MDFIC: variants seen among roughly 807,000 people sequenced by gnomAD.
The protein encoded by MDFIC is myoD family inhibitor domain-containing protein.
Under a neutral mutation model 23.2 loss-of-function variants are expected in MDFIC, and 17 were observed. The observed-to-expected ratio is 0.73, with a 90% CI of 0.50 to 1.10. MDFIC has a LOEUF of 1.10. Among genes scored for constraint, MDFIC ranks in the 50% least tolerant of loss-of-function variants. The probability of loss-of-function intolerance (pLI) is 0.00; values close to 1 mark genes in which losing one functional copy is unlikely to be tolerated. For synonymous variants in MDFIC, 120 were observed against 115.2 expected (o/e 1.04, Z -0.27); for missense variants, 356 against 316.6 (o/e 1.12, Z -0.95).
intron 2 of MDFIC, among the ~76,000 whole-genome samples, chr7:114,940,217 C>G (rs1450933783): frequency 6.6e-6 from 1 of 152,094 alleles, no homozygotes. Flanking sequence ...TTATAAAAAT[C>G]CTTGGAAGTT....
intron 3 of MDFIC, among the ~76,000 whole-genome samples, chr7:114,957,489 C>G (rs1792905351): frequency 1.3e-5 from 2 of 151,992 alleles, no homozygotes; most frequent in Admixed American, 1.3e-4. Flanking sequence ...ATACAGTTTA[C>G]CTAAGAGTCA....
intron 4 of MDFIC, among the ~76,000 whole-genome samples, chr7:114,997,391 T>G (rs914823330): frequency 6.7e-6 from 1 of 150,036 alleles, no homozygotes; most frequent in Non-Finnish European, 1.5e-5. Flanking sequence ...TGTAGGGGAG[T>G]GTATGTGCAT....
chr7:114,976,412 T>C (rs1292173201), intron 3 of MDFIC, among the ~76,000 whole-genome samples: 2 of 152,128 alleles, frequency 1.3e-5, no homozygotes, highest in African/African-American at 2.4e-5. Context: ...TAGCTTTATG[T>C]TCAATAGCGG....
chr7:114,980,769 T>C (rs919925633), intron 4 of MDFIC, among the ~76,000 whole-genome samples: 1 of 152,188 alleles, frequency 6.6e-6, no homozygotes, highest in Admixed American at 6.5e-5. Flanking sequence ...AGAGAAATTT[T>C]GTGGAATGCC....
chr7:114,965,636 G>C (rs761527193), intron 3 of MDFIC, among the ~76,000 whole-genome samples: 1 of 152,204 alleles, frequency 6.6e-6, no homozygotes, highest in Non-Finnish European at 1.5e-5. Context: ...TTAGTGACAG[G>C]TGGTGGGGGA....
chr7:114,935,888 A>C (rs1314563939), intron 2 of MDFIC, among the ~76,000 whole-genome samples: 1 of 152,164 alleles, frequency 6.6e-6, no homozygotes, highest in East Asian at 1.9e-4. Context: ...GATCACTGAA[A>C]GGATACTGCC....
At chr7:114,985,413 G>A (rs1351533977) in intron 4 of MDFIC, among the ~76,000 whole-genome samples, 1 of 152,104 alleles carries the variant, frequency 6.6e-6, no homozygotes, top group Non-Finnish European at 1.5e-5. Flanking sequence ...AGTTTAGGGA[G>A]TTGAGAATAG....
At chr7:115,001,512 C>T (rs1396097354) in intron 4 of MDFIC, among the ~76,000 whole-genome samples, 1 of 152,126 alleles carries the variant, frequency 6.6e-6, no homozygotes, top group African/African-American at 2.4e-5. Context: ...TTAGAAGGAA[C>T]ATTTTAACAT....
chr7:114,954,109 A>T (rs1030074045), intron 3 of MDFIC, among the ~76,000 whole-genome samples: 6 of 152,216 alleles, frequency 3.9e-5, no homozygotes, highest in Non-Finnish European at 8.8e-5. Flanking sequence ...TAAGTCTAAC[A>T]GCCGTACCTG....
intron 2 of MDFIC, chr7:114,923,468 G>T (rs777336181): frequency 1.5e-5 from 23 of 1,537,752 alleles, no homozygotes; most frequent in Non-Finnish European, 1.9e-5. Context: ...GGTCTCTTCA[G>T]CAGATCCAGG....
chr7:114,993,720 G>C (rs1791242058), intron 4 of MDFIC, among the ~76,000 whole-genome samples: 1 of 152,186 alleles, frequency 6.6e-6, no homozygotes, highest in African/African-American at 2.4e-5. Flanking sequence ...GAGACAGTTT[G>C]TTATAATTTC....
intron 3 of MDFIC, among the ~76,000 whole-genome samples, chr7:114,973,793 A>C (rs1162051177): frequency 2.6e-5 from 4 of 152,230 alleles, no homozygotes; most frequent in Non-Finnish European, 2.9e-5. Context: ...TGATATAATC[A>C]TAAAACAATT....
chr7:114,966,325 G>T (rs1440039584), intron 3 of MDFIC, among the ~76,000 whole-genome samples: 1 of 150,378 alleles, frequency 6.6e-6, no homozygotes, highest in South Asian at 2.1e-4. Context: ...TGCTGAAATT[G>T]TGAGCCTGTT....
intron 3 of MDFIC, among the ~76,000 whole-genome samples, chr7:114,964,011 A>G (rs1427861589): frequency 6.6e-6 from 1 of 152,220 alleles, no homozygotes; most frequent in Non-Finnish European, 1.5e-5. Flanking sequence ...TTTATATATA[A>G]TGGGTATTTC....
chr7:114,979,512 C>G lies in MDFIC; in HGVS notation c.224C>G (p.Pro75Arg). The G allele has an allele frequency of 6.2e-7, 1 of 1,607,986 alleles. No homozygotes were observed. Among genetic ancestry groups the G allele is most frequent in the Non-Finnish European group, 8.5e-7 (1 of 1,176,340 alleles). ...TTTCCTGTTTTTAATTTAGCCCAAC[C>G]TCAGCGCTTGCCTCAGCTTCAGACT... ...PSDGELIRTQ[P>R]QRLPQLQTSA... Residue 75 changes from proline (P) to arginine (R), a missense_variant, in exon 4 of 5, where the codon CCT becomes CGT. Transcript: ENST00000393486.
chr7:114,984,466 T>C (rs1432293003), intron 4 of MDFIC, among the ~76,000 whole-genome samples: 2 of 152,182 alleles, frequency 1.3e-5, no homozygotes, highest in Admixed American at 1.3e-4. Context: ...TGTGCTCATA[T>C]TCACCAAAAA....
In MDFIC at chr7:114,929,845, G is replaced by A. The variant is rs116276703; in HGVS notation, c.94+6718G>A. On this transcript the variant is annotated intron_variant, in intron 2 of 4. Transcript: ENST00000393486. ...GGAGGGAGGAAGTGGTGCAGTAGGT[G>A]TTTGTAAGGGAAAGATAAAAATTCT... Among the ~76,000 whole-genome samples, 1,082 of 152,226 alleles carry A rather than the reference G, an allele frequency of 7.1e-3. 10 individuals are homozygous for A. Among genetic ancestry groups the A allele is most frequent in the African/African-American group, 0.024 (1,008 of 41,540 alleles).
At chr7:114,986,223 C>T (rs969492771) in intron 4 of MDFIC, among the ~76,000 whole-genome samples, 20 of 151,882 alleles carry the variant, frequency 1.3e-4, no homozygotes, top group African/African-American at 3.9e-4. Flanking sequence ...TTTTTGGTTT[C>T]TGAGGTCTAT....
In MDFIC at chr7:114,922,388, G is replaced by T; in HGVS notation, c.-356G>T. 1.6e-6 allele frequency: 2 copies of T among 1,236,114 alleles called. No homozygotes were observed. Among genetic ancestry groups the T allele is most frequent in the South Asian group, 4.1e-5 (1 of 24,558 alleles). 76.6% of individuals were successfully genotyped at this position (1,236,114 alleles called of 1,614,324 possible). ...GGCCCCCTCGCAGGGGAGCCGGCTG[G>T]AGTGAGCTGGCTGGAAAGAGGGGGC... On this transcript the variant is annotated 5_prime_UTR_variant, in exon 1 of 5. Transcript: ENST00000393486.
Sources: gnomAD v4.1 joint callset for allele counts (sites outside exome capture counted in the v4.1 genomes callset) on GRCh38, gnomAD v4.1.1 for gene constraint, MANE v1.5 for transcripts, NCBI Gene and HGNC (gene_info 2026-07-23, HGNC 2026-07-21) for gene names.